PPP3CA: variants seen among roughly 807,000 people sequenced by gnomAD.
PPP3CA encodes protein phosphatase 3 catalytic subunit alpha.
PPP3CA carries 14 observed loss-of-function variants against 66.5 expected under a neutral mutation model. The observed-to-expected ratio is 0.21, with a 90% CI of 0.14 to 0.33. The LOEUF is 0.33. Ranked by LOEUF, PPP3CA falls within the 10% of genes least tolerant of loss-of-function variation. The probability of loss-of-function intolerance (pLI) is 1.00; values close to 1 mark genes in which losing one functional copy is unlikely to be tolerated. For missense variants in PPP3CA, 317 were observed against 639.5 expected, an observed-to-expected ratio of 0.50 and a Z score of 5.44; for synonymous variants, 232 against 226.2, an observed-to-expected ratio of 1.03 and a Z score of -0.23.
At chr4:101,063,875 G>A (rs542170458) in intron 8 of PPP3CA, among the ~76,000 whole-genome samples, 1 of 151,820 alleles carries the variant, frequency 6.6e-6, no homozygotes, top group Non-Finnish European at 1.5e-5. Context: ...ATTATGGGGT[G>A]CATAGTGATG....
chr4:101,338,910 A>G lies in PPP3CA; in HGVS notation c.58+7829T>C, dbSNP rs139838001. Among the ~76,000 whole-genome samples the G allele has an allele frequency of 1.0e-3, 152 of 152,366 alleles. 2 individuals are homozygous for G. Among genetic ancestry groups the G allele is most frequent in the African/African-American group, 3.4e-3 (142 of 41,580 alleles). ...TAAAACAAACTTGAATTCCTGACTCAGGTTCCATCTTTTTAAGAATATATC... is the reference window on the plus strand; with the variant it reads ...TAAAACAAACTTGAATTCCTGACTCGGGTTCCATCTTTTTAAGAATATATC... On this transcript the variant is annotated intron_variant, in intron 1 of 13. Transcript: ENST00000394854.
intron 1 of PPP3CA, among the ~76,000 whole-genome samples, chr4:101,282,041 C>T (rs1247773960): frequency 6.6e-6 from 1 of 152,138 alleles, no homozygotes; most frequent in Non-Finnish European, 1.5e-5. Flanking sequence ...CATACCTTTT[C>T]CTGGGAAAAG....
intron 1 of PPP3CA, among the ~76,000 whole-genome samples, chr4:101,343,380 G>T (rs922332710): frequency 2.6e-5 from 4 of 152,158 alleles, no homozygotes; most frequent in African/African-American, 9.7e-5. Flanking sequence ...AGAGAGAAAT[G>T]AAGAAAAGCC....
At chr4:101,174,384 C>G (rs1578521132) in intron 2 of PPP3CA, among the ~76,000 whole-genome samples, 1 of 152,210 alleles carries the variant, frequency 6.6e-6, no homozygotes, top group Non-Finnish European at 1.5e-5. Flanking sequence ...GAATTCTTCA[C>G]TAAAGTGCAA....
intron 8 of PPP3CA, among the ~76,000 whole-genome samples, chr4:101,075,869 G>A (rs1381227644): frequency 6.6e-6 from 1 of 152,044 alleles, no homozygotes; most frequent in East Asian, 1.9e-4. Flanking sequence ...TTTATTTAAT[G>A]TCTATCATAC....
chr4:101,140,665 C>T (rs112122964), intron 2 of PPP3CA, among the ~76,000 whole-genome samples: 6,048 of 152,126 alleles, frequency 0.04, 200 homozygotes, highest in Middle Eastern at 0.11. Flanking sequence ...TCATTTTTGG[C>T]AAAAGTCAAA....
chr4:101,142,373 G>A (rs940411279), intron 2 of PPP3CA, among the ~76,000 whole-genome samples: 3 of 152,154 alleles, frequency 2.0e-5, no homozygotes, highest in African/African-American at 4.8e-5. Context: ...TCGTGATATC[G>A]GCAGAGTAGT....
chr4:101,266,591 C>A (rs928280482), intron 1 of PPP3CA, among the ~76,000 whole-genome samples: 1 of 152,004 alleles, frequency 6.6e-6, no homozygotes, highest in Non-Finnish European at 1.5e-5. Flanking sequence ...CTAATGAAAT[C>A]TCAAGGAAAT....
intron 1 of PPP3CA, among the ~76,000 whole-genome samples, chr4:101,245,497 A>T (rs900712636): frequency 3.3e-5 from 5 of 152,122 alleles, no homozygotes; most frequent in Admixed American, 6.5e-5. Flanking sequence ...AAGGGTCTTG[A>T]ATTTACCTTT....
chr4:101,122,577 A>C (rs141812831), intron 2 of PPP3CA, among the ~76,000 whole-genome samples: 242 of 152,352 alleles, frequency 1.6e-3, no homozygotes, highest in African/African-American at 5.7e-3. Context: ...AGACTTAACC[A>C]AAAAGAAGTG....
intron 2 of PPP3CA, among the ~76,000 whole-genome samples, chr4:101,130,780 C>A (rs1722403472): frequency 6.6e-6 from 1 of 152,110 alleles, no homozygotes; most frequent in Non-Finnish European, 1.5e-5. Flanking sequence ...CCAACCATTG[C>A]AAAAACAAAC....
rs569150868 is a variant in PPP3CA, at chr4:101,091,554, A to C, written c.782+2222T>G. On this transcript the variant is annotated intron_variant, in intron 6 of 13. Transcript: ENST00000394854. ...CGCTTTATAGTGCACTAGATTTTCT[A>C]TTCATGAACTTTAATTTATCAATCA... Among the ~76,000 whole-genome samples the C allele has an allele frequency of 2.1e-4, 32 of 152,184 alleles. No individual in the cohort carries two copies. The East Asian group carries it at 6.2e-3, about 29-fold the overall frequency.
At chr4:101,133,502 C>G (rs1485724284) in intron 2 of PPP3CA, among the ~76,000 whole-genome samples, 1 of 152,068 alleles carries the variant, frequency 6.6e-6, no homozygotes, top group Non-Finnish European at 1.5e-5. Flanking sequence ...ACAACTGCTA[C>G]AAAGAGAATT....
At chr4:101,166,305 T>C (rs1723692027) in intron 2 of PPP3CA, among the ~76,000 whole-genome samples, 1 of 152,174 alleles carries the variant, frequency 6.6e-6, no homozygotes, top group African/African-American at 2.4e-5. Flanking sequence ...TAACCCATTT[T>C]CGTGCCAAAA....
At chr4:101,168,991 CAAT>C (rs1723784529) in intron 2 of PPP3CA, among the ~76,000 whole-genome samples, 1 of 152,080 alleles carries the variant, frequency 6.6e-6, no homozygotes, top group Admixed American at 6.6e-5. Context: ...GCTGGATGAT[CAAT>C]AATATGTACT....
rs576469030 is a variant in PPP3CA, at chr4:101,112,660, C to T, written c.260-3582G>A. Among the ~76,000 whole-genome samples the T allele has an allele frequency of 2.0e-5, 3 of 152,262 alleles. No individual in the cohort carries two copies. The East Asian group carries it at 5.8e-4, about 29-fold the overall frequency. On this transcript the variant is annotated intron_variant, in intron 2 of 13. Transcript: ENST00000394854. ...TCCTCGAATTTTCATAGGCTACCTTCCTTTCATCCATAAAGTCTCACATAC... is the reference window on the plus strand; with the variant it reads ...TCCTCGAATTTTCATAGGCTACCTTTCTTTCATCCATAAAGTCTCACATAC...
At chr4:101,168,932 A>G (rs555790422) in intron 2 of PPP3CA, among the ~76,000 whole-genome samples, 2 of 152,324 alleles carry the variant, frequency 1.3e-5, no homozygotes, top group African/African-American at 2.4e-5. Context: ...AAGCAATGAT[A>G]TAAGAATTAT....
chr4:101,299,718 A>G (rs1484556524), intron 1 of PPP3CA, among the ~76,000 whole-genome samples: 2 of 152,148 alleles, frequency 1.3e-5, no homozygotes, highest in Non-Finnish European at 2.9e-5. Flanking sequence ...CCCCCATTGT[A>G]CCAAATATGT....
chr4:101,060,266 G>C (rs1412239189), intron 10 of PPP3CA, among the ~76,000 whole-genome samples: 1 of 151,976 alleles, frequency 6.6e-6, no homozygotes, highest in Non-Finnish European at 1.5e-5. Context: ...TTTTTGTAGA[G>C]ATGAATTCTC....
Sources: allele counts gnomAD v4.1 joint callset (sites outside exome capture counted in the v4.1 genomes callset), GRCh38; gene constraint gnomAD v4.1.1; transcripts MANE v1.5; gene names NCBI Gene and HGNC (gene_info 2026-07-23, HGNC 2026-07-21).